PCDHGA2: variants seen among roughly 807,000 people sequenced by gnomAD.
PCDHGA2 encodes the protein protocadherin gamma subfamily A, 2, also known as protocadherin gamma-A2.
A neutral mutation model predicts 59.2 loss-of-function variants in PCDHGA2; 40 were observed. The observed-to-expected ratio is 0.68, with a 90% CI of 0.52 to 0.88. The LOEUF (loss-of-function observed/expected upper bound fraction) is 0.88, where lower values mean the gene tolerates loss of function less well. Ranked by LOEUF, PCDHGA2 falls within the 40% of genes least tolerant of loss-of-function variation. PCDHGA2 has a pLI of 0.00. For synonymous variants in PCDHGA2, 560 were observed against 526.0 expected, an observed-to-expected ratio of 1.06 and a Z score of -0.89; for missense variants, 1,226 against 1,204.0, an observed-to-expected ratio of 1.02 and a Z score of -0.27.
intron 1 of PCDHGA2, chr5:141,370,924 A>C: frequency 6.2e-7 from 1 of 1,613,968 alleles, no homozygotes; most frequent in Non-Finnish European, 8.5e-7. Context: ...CCTGATCCGC[A>C]CTTCTCTTTG....
At chr5:141,379,879 G>A (rs1158947637) in intron 1 of PCDHGA2, among the ~76,000 whole-genome samples, 1 of 102,124 alleles carries the variant, frequency 9.8e-6, no homozygotes, top group African/African-American at 3.5e-5. Context: ...TTTATGGTCT[G>A]TGAAAGCCTC....
intron 1 of PCDHGA2, among the ~76,000 whole-genome samples, chr5:141,482,592 C>T (rs187714622): frequency 1.0e-4 from 15 of 142,934 alleles, no homozygotes; most frequent in East Asian, 6.1e-4. Context: ...TGGGACCAAA[C>T]GGGAAAAAAC....
intron 1 of PCDHGA2, chr5:141,364,702 C>G (rs1763490824): frequency 1.2e-6 from 2 of 1,613,922 alleles, no homozygotes; most frequent in East Asian, 2.2e-5. Flanking sequence ...TAGAAATAAT[C>G]GATATTAATG....
intron 1 of PCDHGA2, among the ~76,000 whole-genome samples, chr5:141,353,220 T>C (rs796371145): frequency 2.0e-5 from 3 of 152,298 alleles, no homozygotes; most frequent in African/African-American, 7.2e-5. Flanking sequence ...TCCTAGATGT[T>C]AACACTTAGT....
intron 1 of PCDHGA2, chr5:141,389,322 G>A: frequency 6.2e-7 from 1 of 1,613,984 alleles, no homozygotes; most frequent in East Asian, 2.2e-5. Flanking sequence ...TCCGGACTTG[G>A]GGCCCAACGG....
intron 1 of PCDHGA2, chr5:141,346,382 G>C: frequency 3.1e-6 from 5 of 1,614,268 alleles, no homozygotes; most frequent in Non-Finnish European, 4.2e-6. Flanking sequence ...TCAGCCAGGA[G>C]AGCTGTGAGA....
chr5:141,491,247 G>A lies in PCDHGA2; in HGVS notation c.2425-3560G>A, dbSNP rs1356752106. ...CAGTGCTGCTGGTTCTGGAGGATGA[G>A]GACCCTGAGGAAATGCCCAAATCCA... On this transcript the variant is annotated intron_variant, in intron 1 of 3. Coordinates refer to ENST00000394576, the MANE Select transcript of PCDHGA2 (RefSeq NM_018915.4). The surrounding 1 kb of genome is among the most constrained non-coding windows in gnomAD (Gnocchi z 6.9). The A allele has an allele frequency of 3.2e-5, 51 of 1,614,192 alleles. No individual in the cohort carries two copies. The highest frequency in any genetic ancestry group is 4.3e-5 in the Non-Finnish European group (51 of 1,180,018).
intron 2 of PCDHGA2, among the ~76,000 whole-genome samples, chr5:141,503,595 G>T (rs6892628): frequency 0.52 from 72,995 of 139,870 alleles, 19,322 homozygotes; most frequent in African/African-American, 0.64. Flanking sequence ...CGAGACTCCA[G>T]CTCAAAAAAA....
At position 141,487,665 on chromosome 5, in the gene PCDHGA2, G is replaced by C. The variant is rs373971935; in HGVS notation, c.2425-7142G>C. 2.1e-5 allele frequency: 34 copies of C among 1,612,724 alleles called. No homozygotes were observed. In the South Asian group the frequency reaches 3.4e-4, roughly 16 times the overall value. ...ATGCTTGAGGGTTATTCTGATCCAG[G>C]CATATGGCTAGGCCATGTCCTAGAG... On this transcript the variant is annotated intron_variant, in intron 1 of 3. Transcript: ENST00000394576. The surrounding 1 kb of genome is among the most constrained non-coding windows in gnomAD (Gnocchi z 5.0).
intron 1 of PCDHGA2, chr5:141,399,769 G>A (rs369379702): frequency 2.6e-5 from 42 of 1,613,216 alleles, no homozygotes; most frequent in Non-Finnish European, 3.5e-5. Flanking sequence ...GCGCGTGTTG[G>A]TGGGCGACCG....
In PCDHGA2 at chr5:141,511,460, A is replaced by ACCC. The variant is rs1367357803; in HGVS notation, c.*289_*291dup. The ACCC allele has an allele frequency of 2.4e-4, 137 of 564,806 alleles. 1 individual carries two copies. In the Middle Eastern group the frequency reaches 2.7e-3, roughly 11 times the overall value. The allele number at this position is 564,806 out of a possible 1,614,324, so 35.0% of individuals were successfully genotyped here. A position where few individuals can be genotyped will look rare whatever the true frequency, so the allele number is the denominator to read the frequency against. ...GTAGACACCAAGAACCATTTGCCAC[A>ACCC]CCCCGTTTAGTTACAGCTGAACTCC... On this transcript the variant is annotated 3_prime_UTR_variant, in exon 4 of 4. Transcript: ENST00000394576.
chr5:141,490,454 C>T lies in PCDHGA2; in HGVS notation c.2425-4353C>T. The T allele has an allele frequency of 3.1e-6, 5 of 1,614,176 alleles. No homozygotes were observed. The highest frequency in any genetic ancestry group is 4.2e-6 in the Non-Finnish European group (5 of 1,180,020). On this transcript the variant is annotated intron_variant, in intron 1 of 3. Transcript: ENST00000394576. The surrounding 1 kb of genome is among the most constrained non-coding windows in gnomAD (Gnocchi z 5.4). The stretch of plus-strand genomic sequence containing the variant: ...ATTAAGCCTTCTGAGAACCACTACT[C>T]GCTGCTAACCAGCCAGCCTTTGGAC...
intron 1 of PCDHGA2, chr5:141,397,910 C>G (rs1016162515): frequency 1.3e-5 from 9 of 680,688 alleles, no homozygotes; most frequent in Non-Finnish European, 2.2e-5. Flanking sequence ...GCTTGGCGCT[C>G]CAGATCTCCT....
chr5:141,394,435 C>T, intron 1 of PCDHGA2: 1 of 1,614,246 alleles, frequency 6.2e-7, no homozygotes, highest in Non-Finnish European at 8.5e-7. Flanking sequence ...GGGGACCCGC[C>T]CCTCAGCAGC....
At position 141,340,721 on chromosome 5, in the gene PCDHGA2, C is replaced by G. The variant is rs780548253; in HGVS notation, c.1750C>G (p.Pro584Ala). The G allele has an allele frequency of 6.2e-7, 1 of 1,614,116 alleles. No homozygotes were observed. Among genetic ancestry groups the G allele is most frequent in the East Asian group, 2.2e-5 (1 of 44,864 alleles). The stretch of plus-strand genomic sequence containing the variant: ...GGAGCTGGCGCCCCGCTCCGCAGAG[C>G]CCGGCTACCTGGTGACCAAGGTGGT... ...GVELAPRSAE[P>A]GYLVTKVVAV... is the part of the protein sequence containing the mutation. Residue 584 changes from proline (P) to alanine (A), a missense_variant, in exon 1 of 4, where the codon CCC becomes GCC. Physicochemically the swap from Pro to Ala is conservative, Grantham distance 27. Coordinates refer to ENST00000394576, the MANE Select transcript of PCDHGA2 (RefSeq NM_018915.4).
chr5:141,360,293 A>G, intron 1 of PCDHGA2: 1 of 1,613,970 alleles, frequency 6.2e-7, no homozygotes, highest in Non-Finnish European at 8.5e-7. Flanking sequence ...CTCGCCAAGG[A>G]TCTGGGGCTC....
At chr5:141,419,431 G>A in intron 1 of PCDHGA2, 2 of 1,613,306 alleles carry the variant, frequency 1.2e-6, no homozygotes. Context: ...ACCACGAGCA[G>A]CTGCGCACCT....
chr5:141,362,639 G>T, intron 1 of PCDHGA2: 3 of 1,469,872 alleles, frequency 2.0e-6, no homozygotes, highest in Non-Finnish European at 2.7e-6. Flanking sequence ...GTATTTCTTT[G>T]TCTGTGAGTT....
chr5:141,372,611 T>C, intron 1 of PCDHGA2: 5 of 1,613,998 alleles, frequency 3.1e-6, no homozygotes, highest in Non-Finnish European at 4.2e-6. Flanking sequence ...TACCTGGAGT[T>C]CTCCCCACCT....
Sources: allele counts gnomAD v4.1 joint callset (sites outside exome capture counted in the v4.1 genomes callset), GRCh38; gene constraint gnomAD v4.1.1; non-coding constraint Gnocchi (gnomAD v3.1); transcripts MANE v1.5; gene names NCBI Gene and HGNC (gene_info 2026-07-23, HGNC 2026-07-21).